Variants in TMEM178B observed in about 807,000 individuals in gnomAD.
TMEM178B encodes transmembrane protein 178B.
Under a neutral mutation model 31.0 loss-of-function variants are expected in TMEM178B, and 5 were observed. The observed-to-expected ratio is 0.16, with a 90% confidence interval of 0.08 to 0.34. TMEM178B has a LOEUF of 0.34. Ranked by LOEUF, TMEM178B falls within the 10% of genes least tolerant of loss-of-function variation. The pLI, the probability that TMEM178B is intolerant of heterozygous loss-of-function variation, is 1.00. For missense variants in TMEM178B, 275 were observed against 400.3 expected (o/e 0.69, Z 2.67); for synonymous variants, 164 against 164.0 (o/e 1.00, Z 0.00).
intron 1 of TMEM178B, among the ~76,000 whole-genome samples, chr7:141,096,481 C>T (rs1794962653): frequency 6.6e-6 from 1 of 152,150 alleles, no homozygotes; most frequent in African/African-American, 2.4e-5. Context: ...AGCCTGAGTC[C>T]TCGAATGTCA....
intron 2 of TMEM178B, among the ~76,000 whole-genome samples, chr7:141,402,319 G>C (rs369196195): frequency 2.0e-5 from 3 of 152,364 alleles, no homozygotes; most frequent in Admixed American, 1.3e-4. Context: ...CTTGTCTGGT[G>C]TGTGGTATTG....
intron 1 of TMEM178B, among the ~76,000 whole-genome samples, chr7:141,182,717 C>T (rs111565844): frequency 0.033 from 5,012 of 152,252 alleles, 239 homozygotes; most frequent in African/African-American, 0.1. Context: ...AATCGTGGGG[C>T]GGTTTCTCCC....
At chr7:141,262,927 C>T (rs1274802504) in intron 2 of TMEM178B, among the ~76,000 whole-genome samples, 1 of 152,188 alleles carries the variant, frequency 6.6e-6, no homozygotes, top group Non-Finnish European at 1.5e-5. Flanking sequence ...TCAGCTCACT[C>T]TAGGCCTTTA....
At chr7:141,315,887 C>T (rs1798996266) in intron 2 of TMEM178B, among the ~76,000 whole-genome samples, 1 of 152,132 alleles carries the variant, frequency 6.6e-6, no homozygotes, top group African/African-American at 2.4e-5. Flanking sequence ...ACTGTTCTTC[C>T]CTCCCAACTT....
intron 3 of TMEM178B, among the ~76,000 whole-genome samples, chr7:141,460,836 C>A (rs1479346079): frequency 6.6e-6 from 1 of 152,298 alleles, no homozygotes; most frequent in East Asian, 1.9e-4. Flanking sequence ...CAACTCAGAG[C>A]CCCATCCCAC....
intron 2 of TMEM178B, among the ~76,000 whole-genome samples, chr7:141,287,786 C>G (rs982454314): frequency 2.0e-5 from 3 of 152,180 alleles, no homozygotes; most frequent in African/African-American, 2.4e-5. Context: ...TTAAAGAAGC[C>G]AACTGTTCTC....
At chr7:141,217,719 G>A (rs1797182560) in intron 2 of TMEM178B, among the ~76,000 whole-genome samples, 3 of 152,104 alleles carry the variant, frequency 2.0e-5, no homozygotes, top group Admixed American at 6.5e-5. Context: ...AGCCTCTGTG[G>A]GCAGCTGTTA....
At chr7:141,296,981 C>G (rs1325705155) in intron 2 of TMEM178B, 3 of 152,190 alleles carry the variant, frequency 2.0e-5, no homozygotes, top group Non-Finnish European at 4.4e-5. Context: ...AATGGTGGTT[C>G]TTAGTTCTAT....
At chr7:141,201,034 A>G (rs889389022) in intron 1 of TMEM178B, among the ~76,000 whole-genome samples, 24 of 152,158 alleles carry the variant, frequency 1.6e-4, no homozygotes, top group African/African-American at 5.8e-4. Context: ...GAACAAATAG[A>G]AGATCCTACA....
intron 2 of TMEM178B, among the ~76,000 whole-genome samples, chr7:141,311,139 G>A (rs1278627295): frequency 6.6e-6 from 1 of 152,146 alleles, no homozygotes; most frequent in Non-Finnish European, 1.5e-5. Flanking sequence ...CACACACCTT[G>A]GCCTGTTGGG....
At chr7:141,468,254 C>T (rs1230928370) in intron 3 of TMEM178B, among the ~76,000 whole-genome samples, 2 of 152,212 alleles carry the variant, frequency 1.3e-5, no homozygotes, top group African/African-American at 4.8e-5. Flanking sequence ...GATGCAAATT[C>T]TCAGGCCCCC....
chr7:141,383,408 C>G (rs1800365573), intron 2 of TMEM178B, among the ~76,000 whole-genome samples: 1 of 149,906 alleles, frequency 6.7e-6, no homozygotes, highest in Non-Finnish European at 1.5e-5. Flanking sequence ...GTGATGTTCC[C>G]CTTCCTGTGT....
chr7:141,292,730 C>T (rs899938881), intron 2 of TMEM178B, among the ~76,000 whole-genome samples: 19 of 151,342 alleles, frequency 1.3e-4, no homozygotes, highest in Admixed American at 8.6e-4. Context: ...CTCCGCCTCC[C>T]GGGTTCAAGT....
At position 141,453,528 on chromosome 7, in the gene TMEM178B, C is replaced by G. The variant is rs116555682; in HGVS notation, c.634+15783C>G. 9.7e-3 allele frequency among the ~76,000 whole-genome samples: 1,473 copies of G among 152,292 alleles called. 26 individuals carry two copies. Among genetic ancestry groups the G allele is most frequent in the African/African-American group, 0.034 (1,403 of 41,558 alleles). ...CACTCAAATAGTAACTTGTATGGTC[C>G]CTGTCCTTAAAGCCTGCCCAGGCAA... On this transcript the variant is annotated intron_variant, in intron 3 of 3. Coordinates refer to ENST00000565468, the MANE Select transcript of TMEM178B (RefSeq NM_001195278.2).
At chr7:141,456,626 A>G (rs2116712169) in intron 3 of TMEM178B, among the ~76,000 whole-genome samples, 1 of 152,326 alleles carries the variant, frequency 6.6e-6, no homozygotes, top group African/African-American at 2.4e-5. Flanking sequence ...AGGAAGATGC[A>G]GTGTCAGAAA....
In TMEM178B at chr7:141,126,856, A is replaced by AGTGT. The variant is rs10600930; in HGVS notation, c.382+52197_382+52200dup. Among the ~76,000 whole-genome samples, 1,210 of 145,660 alleles carry AGTGT rather than the reference A, an allele frequency of 8.3e-3. 11 individuals are homozygous for AGTGT. Among genetic ancestry groups the AGTGT allele is most frequent in the South Asian group, 0.03 (135 of 4,560 alleles). On this transcript the variant is annotated intron_variant, in intron 1 of 3. Transcript: ENST00000565468. ...CATCTCCTCTTTGGTATCTTCTCAA[A>AGTGT]GTGTGTGTGTGTGTGTGTGTGTGTG... is the stretch of plus-strand genomic sequence containing the variant.
intron 2 of TMEM178B, among the ~76,000 whole-genome samples, chr7:141,253,258 G>A (rs891931244): frequency 6.6e-6 from 1 of 152,140 alleles, no homozygotes; most frequent in African/African-American, 2.4e-5. Context: ...TCTGAACACA[G>A]CTGTATGCAG....
At chr7:141,279,770 C>T (rs934215736) in intron 2 of TMEM178B, among the ~76,000 whole-genome samples, 5 of 152,216 alleles carry the variant, frequency 3.3e-5, no homozygotes, top group South Asian at 2.1e-4. Context: ...AGAAGCCAGC[C>T]GTGAGCAAAT....
At chr7:141,143,658 C>G (rs546504908) in intron 1 of TMEM178B, among the ~76,000 whole-genome samples, 51 of 152,300 alleles carry the variant, frequency 3.3e-4, no homozygotes, top group Non-Finnish European at 6.5e-4. Context: ...TGTGATGCCT[C>G]TGGCTTTGTT....
Sources: allele counts gnomAD v4.1 joint callset (sites outside exome capture counted in the v4.1 genomes callset), GRCh38; gene constraint gnomAD v4.1.1; transcripts MANE v1.5; gene names NCBI Gene and HGNC (gene_info 2026-07-23, HGNC 2026-07-21).